Variants in FHIP1A observed in about 807,000 individuals in gnomAD.
FHIP1A encodes the protein FHF complex subunit HOOK-interacting protein 1A.
A neutral mutation model predicts 88.6 loss-of-function variants in FHIP1A; 61 were observed. The observed-to-expected ratio is 0.69, with a 90% CI of 0.56 to 0.85. The LOEUF (loss-of-function observed/expected upper bound fraction) is 0.85, where lower values mean the gene tolerates loss of function less well. Among genes scored for constraint, FHIP1A ranks in the 40% least tolerant of loss-of-function variants. The probability of loss-of-function intolerance (pLI) is 0.00; values close to 1 mark genes in which losing one functional copy is unlikely to be tolerated. For synonymous variants in FHIP1A, 478 were observed against 496.0 expected (o/e 0.96, Z 0.48); for missense variants, 1,154 against 1,273.5 (o/e 0.91, Z 1.43).
At chr4:151,545,535 G>A (rs559248699) in intron 3 of FHIP1A, among the ~76,000 whole-genome samples, 101 of 151,436 alleles carry the variant, frequency 6.7e-4, no homozygotes, top group Non-Finnish European at 1.0e-3. Context: ...CCACTGCCAC[G>A]CCCGGCTAAT....
intron 3 of FHIP1A, among the ~76,000 whole-genome samples, chr4:151,530,934 C>T (rs1731853675): frequency 1.2e-5 from 1 of 83,002 alleles, no homozygotes; most frequent in South Asian, 3.6e-4. Context: ...GGATAATTGC[C>T]ACATTTCTTT....
chr4:151,549,904 G>A lies in FHIP1A; in HGVS notation c.-122-16234G>A, dbSNP rs532781097. Among the ~76,000 whole-genome samples the A allele has an allele frequency of 2.6e-5, 4 of 152,206 alleles. No homozygotes were observed. In the East Asian group the frequency reaches 5.8e-4, roughly 22 times the overall value. Reference sequence around the variant, plus strand: ...GTCTTTGAAAGAGAGATGAGTATGTGTTAAAGTAAAGGGGAAAATTTCTCC... The same window carrying A: ...GTCTTTGAAAGAGAGATGAGTATGTATTAAAGTAAAGGGGAAAATTTCTCC... On this transcript the variant is annotated intron_variant, in intron 3 of 13. Transcript: ENST00000435205.
At chr4:151,445,729 C>A (rs1017053572) in intron 1 of FHIP1A, among the ~76,000 whole-genome samples, 6 of 151,118 alleles carry the variant, frequency 4.0e-5, no homozygotes, top group African/African-American at 1.5e-4. Flanking sequence ...TACATGAGCA[C>A]CTTTAGTTCC....
At chr4:151,660,786 T>A (rs139636263) in intron 13 of FHIP1A, among the ~76,000 whole-genome samples, 73 of 152,296 alleles carry the variant, frequency 4.8e-4, no homozygotes, top group African/African-American at 1.7e-3. Flanking sequence ...AACTGGAAAT[T>A]CATTGTGAAG....
chr4:151,543,987 A>G (rs1319060727), intron 3 of FHIP1A, among the ~76,000 whole-genome samples: 2 of 152,184 alleles, frequency 1.3e-5, no homozygotes, highest in Non-Finnish European at 2.9e-5. Context: ...CATCTTTGCT[A>G]ACGTGATAGA....
intron 3 of FHIP1A, among the ~76,000 whole-genome samples, chr4:151,558,507 C>T (rs1026633805): frequency 6.6e-6 from 1 of 151,896 alleles, no homozygotes; most frequent in Non-Finnish European, 1.5e-5. Context: ...GTACTCCAGC[C>T]TGATAACAGA....
At chr4:151,588,743 T>C in intron 6 of FHIP1A, 97 bp from the exon 7 acceptor site, 1 of 825,988 alleles carries the variant, frequency 1.2e-6, no homozygotes, top group East Asian at 2.7e-5. Flanking sequence ...AAATGTGGAT[T>C]TCCTTTTTGA....
Position 151,669,434 on chromosome 4 carries a change from A to G in FHIP1A, c.*6680A>G, listed in dbSNP as rs1246092323. ...CTTTTAAGTAAGCCTTTAATTTTAA[A>G]TGGTCTGGAAAGATCTTCGATGCTT... On this transcript the variant is annotated 3_prime_UTR_variant, in exon 14 of 14. Coordinates refer to ENST00000435205, the MANE Select transcript of FHIP1A (RefSeq NM_001109977.3). Among the ~76,000 whole-genome samples the G allele has an allele frequency of 6.6e-6, 1 of 152,206 alleles. No individual in the cohort carries two copies. Among genetic ancestry groups the G allele is most frequent in the Non-Finnish European group, 1.5e-5 (1 of 68,036 alleles).
intron 7 of FHIP1A, among the ~76,000 whole-genome samples, chr4:151,626,221 C>T (rs959464985): frequency 2.0e-5 from 3 of 152,130 alleles, no homozygotes; most frequent in African/African-American, 7.2e-5. Flanking sequence ...TGGTCTAAAC[C>T]ATTAATGAAA....
chr4:151,602,424 C>T (rs990065860), intron 7 of FHIP1A, among the ~76,000 whole-genome samples: 2 of 152,122 alleles, frequency 1.3e-5, no homozygotes, highest in African/African-American at 4.8e-5. Flanking sequence ...CTGTCATCTC[C>T]ATGGAGTTTA....
chr4:151,473,807 A>G (rs1016316999), intron 2 of FHIP1A, among the ~76,000 whole-genome samples: 2 of 152,156 alleles, frequency 1.3e-5, no homozygotes, highest in African/African-American at 4.8e-5. Flanking sequence ...TGTAGCATAC[A>G]AAGTGATGTT....
intron 13 of FHIP1A, among the ~76,000 whole-genome samples, chr4:151,661,788 G>GGGAA (rs1379624909): frequency 2.6e-5 from 4 of 152,116 alleles, no homozygotes; most frequent in African/African-American, 9.7e-5. Flanking sequence ...AAATTGAGAT[G>GGGAA]GGAACCCTCC....
At chr4:151,647,578 A>G (rs533612778) in intron 10 of FHIP1A, among the ~76,000 whole-genome samples, 10 of 152,202 alleles carry the variant, frequency 6.6e-5, no homozygotes, top group African/African-American at 2.2e-4. Context: ...AAATGTCAGT[A>G]TGTTTGATAT....
At chr4:151,647,052 G>A (rs1433275710) in intron 10 of FHIP1A, among the ~76,000 whole-genome samples, 1 of 152,188 alleles carries the variant, frequency 6.6e-6, no homozygotes, top group Non-Finnish European at 1.5e-5. Context: ...AGACGGGGGT[G>A]AGAGGTGTGG....
At chr4:151,574,363 C>T (rs1173450394) in intron 4 of FHIP1A, among the ~76,000 whole-genome samples, 1 of 152,022 alleles carries the variant, frequency 6.6e-6, no homozygotes, top group African/African-American at 2.4e-5. Flanking sequence ...AATCTTAGTT[C>T]TCTTTTTAAA....
chr4:151,665,976 G>T lies in FHIP1A; in HGVS notation c.*3222G>T, dbSNP rs1306315804. ...CCCCTGAGCTGGCGTCACTGCGTCTGGCCTGGGCAGGAAAGGTGAGGGAGC... is the reference window on the plus strand; with the variant it reads ...CCCCTGAGCTGGCGTCACTGCGTCTTGCCTGGGCAGGAAAGGTGAGGGAGC... On this transcript the variant is annotated 3_prime_UTR_variant, in exon 14 of 14. Coordinates refer to ENST00000435205, the MANE Select transcript of FHIP1A (RefSeq NM_001109977.3). Among the ~76,000 whole-genome samples the T allele has an allele frequency of 1.3e-5, 2 of 152,198 alleles. No homozygotes were observed. Among genetic ancestry groups the T allele is most frequent in the African/African-American group, 2.4e-5 (1 of 41,446 alleles).
At chr4:151,459,774 G>C (rs1729085495) in intron 2 of FHIP1A, among the ~76,000 whole-genome samples, 1 of 152,178 alleles carries the variant, frequency 6.6e-6, no homozygotes, top group South Asian at 2.1e-4. Context: ...CAAGAAACCA[G>C]AACAGTGGCT....
intron 3 of FHIP1A, among the ~76,000 whole-genome samples, chr4:151,553,724 A>G (rs1334243968): frequency 6.6e-6 from 1 of 152,210 alleles, no homozygotes; most frequent in Non-Finnish European, 1.5e-5. Flanking sequence ...AGCTTCTTCA[A>G]GTCATTGTTT....
At chr4:151,429,848 C>CAAAAA (rs34699507) in intron 1 of FHIP1A, among the ~76,000 whole-genome samples, 2 of 105,600 alleles carry the variant, frequency 1.9e-5, no homozygotes, top group Non-Finnish European at 3.9e-5. Context: ...GACTCTATCT[C>CAAAAA]AAAAAAAAAA....
Sources: gnomAD v4.1 joint callset for allele counts (sites outside exome capture counted in the v4.1 genomes callset) on GRCh38, gnomAD v4.1.1 for gene constraint, MANE v1.5 for transcripts, NCBI Gene and HGNC (gene_info 2026-07-23, HGNC 2026-07-21) for gene names.